Variants in GALC observed in about 807,000 individuals in gnomAD.
The protein encoded by GALC is galactocerebrosidase.
Under a neutral mutation model 91.8 loss-of-function variants are expected in GALC, and 77 were observed. The observed-to-expected ratio is 0.84, with a 90% CI of 0.70 to 1.01. The LOEUF (loss-of-function observed/expected upper bound fraction) is 1.01. GALC is among the 50% of genes least tolerant of loss of function. GALC has a pLI of 0.00. For synonymous variants in GALC, 357 were observed against 306.7 expected (o/e 1.16, Z -1.71); for missense variants, 882 against 855.9 (o/e 1.03, Z -0.38).
chr14:87,989,923 T>C (rs2139762328), intron 1 of GALC, among the ~76,000 whole-genome samples: 1 of 152,304 alleles, frequency 6.6e-6, no homozygotes, highest in South Asian at 2.1e-4. Context: ...CCCTTATCAC[T>C]CTCACACCTT....
chr14:87,963,216 CTA>C (rs1885883243), intron 10 of GALC, 166 bp downstream of exon 10: 5 of 629,386 alleles, frequency 7.9e-6, no homozygotes, highest in South Asian at 5.4e-5. Flanking sequence ...GAGTTGTGTG[CTA>C]TGTTTTACGA....
chr14:87,956,296 A>C (rs1161880693), intron 10 of GALC, among the ~76,000 whole-genome samples: 3 of 152,006 alleles, frequency 2.0e-5, no homozygotes, highest in Non-Finnish European at 4.4e-5. Flanking sequence ...AACAGAGTTA[A>C]CTAAAATACT....
At chr14:87,946,899 T>C (rs1885095536) in intron 13 of GALC, among the ~76,000 whole-genome samples, 1 of 151,764 alleles carries the variant, frequency 6.6e-6, no homozygotes, top group Admixed American at 6.6e-5. Context: ...GATCATTTCC[T>C]GAGAAAGGGA....
chr14:87,941,719 A>T (rs773814987), intron 14 of GALC, among the ~76,000 whole-genome samples, 161 bp from the exon 15 acceptor site: 4 of 151,998 alleles, frequency 2.6e-5, no homozygotes, highest in Admixed American at 6.6e-5. Context: ...AAGAATCTTT[A>T]TTGACAACAG....
At chr14:87,983,635 G>A (rs1886839282) in intron 5 of GALC, among the ~76,000 whole-genome samples, 1 of 152,116 alleles carries the variant, frequency 6.6e-6, no homozygotes, top group Non-Finnish European at 1.5e-5. Context: ...TTTAACTGAT[G>A]GTATATTAAT....
At chr14:87,965,673 A>G in intron 8 of GALC, 44 bp from the exon 9 acceptor site, 1 of 1,606,610 alleles carries the variant, frequency 6.2e-7, no homozygotes, top group African/African-American at 1.3e-5. Flanking sequence ...AACTTGTGAT[A>G]AAAATGTAAA....
intron 14 of GALC, among the ~76,000 whole-genome samples, chr14:87,943,530 G>C (rs1348226023): frequency 6.6e-6 from 1 of 152,022 alleles, no homozygotes; most frequent in Non-Finnish European, 1.5e-5. Context: ...ATGAGGCTGT[G>C]AGATGTACTC....
At chr14:87,992,259 A>G in intron 1 of GALC, 1 of 1,527,154 alleles carries the variant, frequency 6.5e-7, no homozygotes, top group South Asian at 1.2e-5. Flanking sequence ...CATTAGCCCT[A>G]GATGTAATTT....
intron 16 of GALC, among the ~76,000 whole-genome samples, chr14:87,937,583 A>T (rs1884634591): frequency 6.6e-6 from 1 of 151,888 alleles, no homozygotes; most frequent in African/African-American, 2.4e-5. Context: ...GTAATGAATC[A>T]CATTGTATTA....
intron 1 of GALC, among the ~76,000 whole-genome samples, chr14:87,991,503 T>C (rs962463572): frequency 1.3e-5 from 2 of 152,150 alleles, no homozygotes; most frequent in Admixed American, 1.3e-4. Flanking sequence ...TGCCCGGCCC[T>C]ACATTCTTAA....
chr14:87,965,803 A>G (rs967075653), intron 8 of GALC, among the ~76,000 whole-genome samples, 174 bp from the exon 9 acceptor site: 1 of 152,206 alleles, frequency 6.6e-6, no homozygotes, highest in African/African-American at 2.4e-5. Context: ...ACATTTTGAA[A>G]AATCCAGTGT....
At chr14:87,935,046 AG>A (rs1003472586) in intron 16 of GALC, among the ~76,000 whole-genome samples, 168 bp from the exon 17 acceptor site, 2 of 152,230 alleles carry the variant, frequency 1.3e-5, no homozygotes, top group African/African-American at 4.8e-5. Context: ...TTTAAAATAC[AG>A]GAAAAAACTC....
intron 10 of GALC, among the ~76,000 whole-genome samples, chr14:87,956,818 T>C (rs754615313): frequency 6.6e-6 from 1 of 151,868 alleles, no homozygotes; most frequent in African/African-American, 2.4e-5. Flanking sequence ...GATCAATCAA[T>C]TTAGTTCTTT....
At chr14:87,981,807 T>C (rs1039229437) in intron 6 of GALC, among the ~76,000 whole-genome samples, 2 of 152,002 alleles carry the variant, frequency 1.3e-5, no homozygotes, top group Non-Finnish European at 2.9e-5. Flanking sequence ...CACACTCCAA[T>C]AGAAAACAAG....
chr14:87,967,966 T>C (rs1886124200), intron 8 of GALC, among the ~76,000 whole-genome samples: 1 of 152,186 alleles, frequency 6.6e-6, no homozygotes, highest in Non-Finnish European at 1.5e-5. Flanking sequence ...ACTGTGATCA[T>C]GTAAAAGAAT....
intron 14 of GALC, among the ~76,000 whole-genome samples, chr14:87,942,191 G>A (rs1459000548): frequency 6.6e-6 from 1 of 151,982 alleles, no homozygotes; most frequent in African/African-American, 2.4e-5. Context: ...ACCCCACAGC[G>A]TGATTCAGTA....
chr14:87,972,351 A>T (rs1886326313), intron 7 of GALC, among the ~76,000 whole-genome samples: 1 of 152,168 alleles, frequency 6.6e-6, no homozygotes, highest in African/African-American at 2.4e-5. Flanking sequence ...CAGAGGTCAG[A>T]TTAGTAGTTA....
In GALC at chr14:87,968,195, AC is replaced by A. The variant is rs1340404643; in HGVS notation, c.908+139del. 3 of 657,402 alleles carry A rather than the reference AC, an allele frequency of 4.6e-6. No individual in the cohort carries two copies. In the African/African-American group the frequency reaches 5.5e-5, roughly 12 times the overall value. The allele number at this position is 657,402 out of a possible 1,614,324, so 40.7% of individuals were successfully genotyped here. ...TTAGATATAGATTAGGTATAGGTAT[AC>A]AAATAGATGACGCTAACAAGGCAAA... On this transcript the variant is annotated intron_variant, in intron 8 of 16. Transcript: ENST00000261304.
chr14:87,941,323 A>G lies in GALC; in HGVS notation c.1834+72T>C, dbSNP rs912788562. On this transcript the variant is annotated intron_variant, in intron 15 of 16. Coordinates refer to ENST00000261304, the MANE Select transcript of GALC (RefSeq NM_000153.4). ...TTGAATTCTTTTTATCACTCCCACAAATAACAAGTAGGTGCTCAAAGTAAC... is the reference window on the plus strand; with the variant it reads ...TTGAATTCTTTTTATCACTCCCACAGATAACAAGTAGGTGCTCAAAGTAAC... 6 of 984,662 alleles carry G rather than the reference A, an allele frequency of 6.1e-6. No homozygotes were observed. The African/African-American group carries it at 9.7e-5, about 16-fold the overall frequency. 61.0% of individuals were successfully genotyped at this position (984,662 alleles called of 1,614,324 possible). A position where few individuals can be genotyped will look rare whatever the true frequency, so the allele number is the denominator to read the frequency against.
Sources: gnomAD v4.1 joint callset for allele counts (sites outside exome capture counted in the v4.1 genomes callset) on GRCh38, gnomAD v4.1.1 for gene constraint, MANE v1.5 for transcripts, NCBI Gene and HGNC (gene_info 2026-07-23, HGNC 2026-07-21) for gene names.